The following HIP1 variants were observed in gnomAD, a reference collection of about 807,000 sequenced individuals.
The protein encoded by HIP1 is huntingtin-interacting protein 1.
Under a neutral mutation model 147.6 loss-of-function variants are expected in HIP1, and 65 were observed. The observed-to-expected ratio is 0.44, with a 90% CI of 0.36 to 0.54. The LOEUF is 0.54. Among genes scored for constraint, HIP1 ranks in the 20% least tolerant of loss-of-function variants. The pLI is 0.00. For missense variants in HIP1, 1,061 were observed against 1,299.6 expected (o/e 0.82, Z 2.82); for synonymous variants, 479 against 504.0 (o/e 0.95, Z 0.67).
At chr7:75,644,708 G>A (rs1333258299) in intron 1 of HIP1, among the ~76,000 whole-genome samples, 1 of 152,190 alleles carries the variant, frequency 6.6e-6, no homozygotes, top group African/African-American at 2.4e-5. Flanking sequence ...GTGCGGGGGA[G>A]GAGCTAGAGT....
chr7:75,544,437 ACG>A (rs1794461432), intron 27 of HIP1, among the ~76,000 whole-genome samples: 1 of 151,812 alleles, frequency 6.6e-6, no homozygotes, highest in South Asian at 2.1e-4. Flanking sequence ...GTACTATCTA[ACG>A]TAGCCAAGTA....
At chr7:75,620,386 TAAA>T (rs34932997) in intron 1 of HIP1, among the ~76,000 whole-genome samples, 1 of 67,054 alleles carries the variant, frequency 1.5e-5, no homozygotes, top group Non-Finnish European at 2.7e-5. Context: ...ACCATGTCTT[TAAA>T]AAAAAAAAAA....
intron 1 of HIP1, chr7:75,611,950 T>C (rs1217716449): frequency 5.9e-6 from 5 of 849,572 alleles, no homozygotes; most frequent in South Asian, 5.4e-5. Context: ...CAGTGGCCAA[T>C]GGGAAACCCT....
At chr7:75,687,935 C>T (rs921603013) in intron 1 of HIP1, among the ~76,000 whole-genome samples, 2 of 152,050 alleles carry the variant, frequency 1.3e-5, no homozygotes, top group East Asian at 3.9e-4. Flanking sequence ...CTCTCTGGAG[C>T]GCTGGATTTT....
At chr7:75,681,563 G>A (rs2117271457) in intron 1 of HIP1, among the ~76,000 whole-genome samples, 1 of 142,438 alleles carries the variant, frequency 7.0e-6, no homozygotes, top group Non-Finnish European at 1.5e-5. Context: ...CTAAAGTACA[G>A]TGGCACGACC....
intron 2 of HIP1, among the ~76,000 whole-genome samples, chr7:75,597,099 G>A (rs1332251515): frequency 6.6e-6 from 1 of 152,170 alleles, no homozygotes; most frequent in African/African-American, 2.4e-5. Context: ...GAAACCAAGG[G>A]GCCTGTGTCT....
chr7:75,547,054 G>T, intron 24 of HIP1, 22 bp from the exon 25 acceptor site: 1 of 1,527,342 alleles, frequency 6.5e-7, no homozygotes, highest in Non-Finnish European at 8.9e-7. Context: ...ACAAGTCGAG[G>T]ATACACTGAG....
At chr7:75,724,319 C>T (rs1045394300) in intron 1 of HIP1, among the ~76,000 whole-genome samples, 14 of 152,124 alleles carry the variant, frequency 9.2e-5, no homozygotes, top group African/African-American at 3.4e-4. Context: ...GCCATCTCAG[C>T]TCACTGCAAC....
intron 1 of HIP1, among the ~76,000 whole-genome samples, chr7:75,614,388 CAT>C (rs1554505575): frequency 6.6e-6 from 1 of 151,866 alleles, no homozygotes; most frequent in African/African-American, 2.4e-5. Flanking sequence ...CACACACACA[CAT>C]AGACACACAC....
chr7:75,632,348 G>A (rs1398306342), intron 1 of HIP1, among the ~76,000 whole-genome samples: 1 of 152,100 alleles, frequency 6.6e-6, no homozygotes, highest in African/African-American at 2.4e-5. Context: ...TAAAATCTTA[G>A]TGATCAGTGA....
chr7:75,647,199 CTACTAAAAA>C (rs1554511218), intron 1 of HIP1, among the ~76,000 whole-genome samples: 1 of 88,996 alleles, frequency 1.1e-5, no homozygotes. Flanking sequence ...AACCCCATCT[CTACTAAAAA>C]TACAAAAAAA....
chr7:75,590,449 C>G (rs1478293086), intron 4 of HIP1, among the ~76,000 whole-genome samples: 2 of 151,982 alleles, frequency 1.3e-5, no homozygotes, highest in Non-Finnish European at 2.9e-5. Context: ...AAACACCCAG[C>G]CAATCCAAAA....
intron 1 of HIP1, among the ~76,000 whole-genome samples, chr7:75,722,152 C>T (rs534997123): frequency 2.0e-5 from 3 of 151,960 alleles, no homozygotes; most frequent in South Asian, 2.1e-4. Context: ...CTAAGAAAAA[C>T]GTTCAAAATT....
chr7:75,552,574 A>C (rs1794825455), intron 22 of HIP1, among the ~76,000 whole-genome samples: 1 of 149,966 alleles, frequency 6.7e-6, no homozygotes, highest in Non-Finnish European at 1.5e-5. Flanking sequence ...CTAGGCTGAT[A>C]TTGAACTCCT....
At chr7:75,720,628 C>G (rs1301801985) in intron 1 of HIP1, among the ~76,000 whole-genome samples, 1 of 152,182 alleles carries the variant, frequency 6.6e-6, no homozygotes, top group Non-Finnish European at 1.5e-5. Context: ...TTCTCTATGT[C>G]AAACAGGTTT....
Position 75,541,983 on chromosome 7 carries a change from G to A in HIP1, c.2891-3C>T, listed in dbSNP as rs1554489993. 2 of 1,613,122 alleles carry A rather than the reference G, an allele frequency of 1.2e-6. No individual in the cohort carries two copies. Among genetic ancestry groups the A allele is most frequent in the Non-Finnish European group, 1.7e-6 (2 of 1,179,184 alleles). On this transcript the variant is annotated splice_polypyrimidine_tract_variant and splice_region_variant and intron_variant, in intron 28 of 30. Coordinates refer to ENST00000336926, the MANE Select transcript of HIP1 (RefSeq NM_005338.7). ...CATGCTTGAGAAGTCCATGTTGTCT[G>A]CAAGGATGGAAACAAGAAGGTCTCA...
intron 1 of HIP1, among the ~76,000 whole-genome samples, chr7:75,683,483 C>T (rs141364797): frequency 2.6e-5 from 4 of 152,052 alleles, no homozygotes; most frequent in East Asian, 1.9e-4. Context: ...TGTATGTGGA[C>T]GTGTGTGTGT....
At chr7:75,732,828 G>A (rs1554523200) in intron 1 of HIP1, among the ~76,000 whole-genome samples, 1 of 152,136 alleles carries the variant, frequency 6.6e-6, no homozygotes, top group Admixed American at 6.6e-5. Flanking sequence ...GACAAGTCCT[G>A]ATTCAGTAGT....
At chr7:75,727,904 A>G (rs542023837) in intron 1 of HIP1, among the ~76,000 whole-genome samples, 1 of 152,116 alleles carries the variant, frequency 6.6e-6, no homozygotes, top group Admixed American at 6.6e-5. Context: ...TAAGTCACAC[A>G]TATCTAAGCC....
Sources: allele counts gnomAD v4.1 joint callset (sites outside exome capture counted in the v4.1 genomes callset), GRCh38; gene constraint gnomAD v4.1.1; transcripts MANE v1.5; gene names NCBI Gene and HGNC (gene_info 2026-07-23, HGNC 2026-07-21).